Variants in KIAA1328 observed in about 807,000 individuals in gnomAD.
KIAA1328 encodes KIAA1328, also known as protein hinderin.
A neutral mutation model predicts 68.1 loss-of-function variants in KIAA1328; 52 were observed. That is an observed-to-expected ratio of 0.76 (90% CI 0.61 to 0.96). The LOEUF (loss-of-function observed/expected upper bound fraction) is 0.96, where lower values mean the gene tolerates loss of function less well. KIAA1328 is among the 40% of genes least tolerant of loss of function. The pLI, the probability that KIAA1328 is intolerant of heterozygous loss-of-function variation, is 0.00. For missense variants in KIAA1328, 641 were observed against 677.6 expected, an observed-to-expected ratio of 0.95 and a Z score of 0.60; for synonymous variants, 232 against 239.4, an observed-to-expected ratio of 0.97 and a Z score of 0.28.
chr18:36,856,341 A>G (rs2047382545), intron 4 of KIAA1328, among the ~76,000 whole-genome samples: 1 of 152,060 alleles, frequency 6.6e-6, no homozygotes, highest in African/African-American at 2.4e-5. Context: ...GTCATTCCAC[A>G]GGTCCATTAA....
At chr18:37,077,439 C>T (rs1172236864) in intron 7 of KIAA1328, among the ~76,000 whole-genome samples, 2 of 149,502 alleles carry the variant, frequency 1.3e-5, no homozygotes, top group Non-Finnish European at 3.0e-5. Context: ...GGGATGCCCT[C>T]TCTCACCACT....
At chr18:37,118,204 A>C (rs1421319885) in intron 7 of KIAA1328, among the ~76,000 whole-genome samples, 1 of 152,080 alleles carries the variant, frequency 6.6e-6, no homozygotes, top group African/African-American at 2.4e-5. Flanking sequence ...TATGTTGCCT[A>C]GGATGGTCTT....
At chr18:37,118,446 T>C (rs564530496) in intron 7 of KIAA1328, among the ~76,000 whole-genome samples, 32 of 152,192 alleles carry the variant, frequency 2.1e-4, no homozygotes, top group Non-Finnish European at 3.8e-4. Context: ...TGGGTTGTTG[T>C]AGTTTCCCAT....
intron 9 of KIAA1328, among the ~76,000 whole-genome samples, chr18:37,204,004 G>C (rs1010071216): frequency 1.3e-5 from 2 of 152,116 alleles, no homozygotes; most frequent in Non-Finnish European, 2.9e-5. Flanking sequence ...TAGAGATGGG[G>C]TTTCACCATG....
intron 7 of KIAA1328, among the ~76,000 whole-genome samples, chr18:37,120,339 T>G (rs1244557233): frequency 6.6e-6 from 1 of 152,146 alleles, no homozygotes; most frequent in African/African-American, 2.4e-5. Flanking sequence ...AACAGTAATG[T>G]CAGGTGTTTT....
chr18:37,108,988 C>T (rs1488109693), intron 7 of KIAA1328, among the ~76,000 whole-genome samples: 1 of 128,884 alleles, frequency 7.8e-6, no homozygotes, highest in African/African-American at 2.9e-5. Flanking sequence ...TCCATGTGTT[C>T]TCATTGTTCA....
chr18:37,024,880 T>C (rs566079690), intron 6 of KIAA1328, among the ~76,000 whole-genome samples: 2 of 152,246 alleles, frequency 1.3e-5, no homozygotes, highest in South Asian at 4.1e-4. Context: ...TATAATCCTT[T>C]GGGTATATAC....
chr18:36,996,254 C>T (rs1310435214), intron 6 of KIAA1328, among the ~76,000 whole-genome samples: 1 of 152,190 alleles, frequency 6.6e-6, no homozygotes, highest in Non-Finnish European at 1.5e-5. Flanking sequence ...TTCTATACCA[C>T]ATACTGTTTT....
chr18:37,177,056 A>T (rs1338907038), intron 9 of KIAA1328, among the ~76,000 whole-genome samples: 1 of 152,248 alleles, frequency 6.6e-6, no homozygotes, highest in Non-Finnish European at 1.5e-5. Flanking sequence ...TACTTGATGT[A>T]TGCCAATTTA....
At chr18:37,162,997 T>C (rs1199249125) in intron 8 of KIAA1328, among the ~76,000 whole-genome samples, 3 of 152,232 alleles carry the variant, frequency 2.0e-5, no homozygotes, top group East Asian at 1.9e-4. Context: ...TCATCAGTTT[T>C]AGTTACTTTT....
In KIAA1328 at chr18:37,160,601, C is replaced by T. The variant is rs189721153; in HGVS notation, c.1414+220C>T. 2.0e-3 allele frequency among the ~76,000 whole-genome samples: 297 copies of T among 152,294 alleles called. 1 individual carries two copies. The highest frequency in any genetic ancestry group is 3.8e-3 in the Admixed American group (58 of 15,292). On this transcript the variant is annotated intron_variant, in intron 8 of 9. Coordinates refer to ENST00000280020, the MANE Select transcript of KIAA1328 (RefSeq NM_020776.3). ...ATGAAAAACTGTATCCAACTTGTCC[C>T]TCTTTTTGCAAGCAATAACTGTTAA...
At chr18:37,072,121 C>A (rs1017409361) in intron 7 of KIAA1328, among the ~76,000 whole-genome samples, 1 of 151,936 alleles carries the variant, frequency 6.6e-6, no homozygotes, top group Admixed American at 6.6e-5. Flanking sequence ...ATTGTTCTTC[C>A]TTTCTGATGT....
intron 6 of KIAA1328, among the ~76,000 whole-genome samples, chr18:37,000,795 A>G (rs1211074442): frequency 1.3e-5 from 2 of 152,120 alleles, no homozygotes; most frequent in Non-Finnish European, 2.9e-5. Flanking sequence ...AATGACCATC[A>G]TGAAAATGAA....
At chr18:36,935,979 A>G (rs1399458147) in intron 5 of KIAA1328, among the ~76,000 whole-genome samples, 1 of 152,182 alleles carries the variant, frequency 6.6e-6, no homozygotes, top group African/African-American at 2.4e-5. Context: ...ATGGATTTTA[A>G]TTAAATATAG....
In KIAA1328 at chr18:36,857,542, C is replaced by T. The variant is rs187969173; in HGVS notation, c.332+13240C>T. Among the ~76,000 whole-genome samples the T allele has an allele frequency of 1.0e-3, 157 of 152,314 alleles. 2 individuals are homozygous for T. Among genetic ancestry groups the T allele is most frequent in the African/African-American group, 3.7e-3 (154 of 41,578 alleles). On this transcript the variant is annotated intron_variant, in intron 4 of 9. Coordinates refer to ENST00000280020, the MANE Select transcript of KIAA1328 (RefSeq NM_020776.3). The stretch of plus-strand genomic sequence containing the variant: ...CATCATCCTGGCGGCCGCCATTGAT[C>T]TGGGGAATGGGGGATGAATGGTAAG...
At chr18:36,866,131 G>A (rs558325146) in intron 4 of KIAA1328, among the ~76,000 whole-genome samples, 1 of 152,246 alleles carries the variant, frequency 6.6e-6, no homozygotes, top group East Asian at 1.9e-4. Context: ...GCATAGATCC[G>A]CTCCTCCCCA....
At chr18:36,879,084 A>G (rs956953007) in intron 4 of KIAA1328, among the ~76,000 whole-genome samples, 1 of 152,088 alleles carries the variant, frequency 6.6e-6, no homozygotes, top group Non-Finnish European at 1.5e-5. Flanking sequence ...GATCCTTTGG[A>G]GGAGAAGAGG....
chr18:37,158,239 G>A (rs778958953), intron 7 of KIAA1328, among the ~76,000 whole-genome samples: 1 of 152,086 alleles, frequency 6.6e-6, no homozygotes, highest in Admixed American at 6.5e-5. Flanking sequence ...GGGTCTTGCT[G>A]TGATGCCCAG....
Position 36,830,460 on chromosome 18 carries a change from A to G in KIAA1328, c.58+1264A>G, listed in dbSNP as rs190859085. 3.5e-3 allele frequency among the ~76,000 whole-genome samples: 530 copies of G among 152,292 alleles called. 2 individuals carry two copies. Among genetic ancestry groups the G allele is most frequent in the Non-Finnish European group, 5.4e-3 (368 of 68,030 alleles). On this transcript the variant is annotated intron_variant, in intron 1 of 9. Coordinates refer to ENST00000280020, the MANE Select transcript of KIAA1328 (RefSeq NM_020776.3). The stretch of plus-strand genomic sequence containing the variant: ...TGAATTAGGAAGTTAGGAAATTGGG[A>G]TAAGTCTTTTCTCAAGAAACACTGC...
Sources: gnomAD v4.1 joint callset for allele counts (sites outside exome capture counted in the v4.1 genomes callset) on GRCh38, gnomAD v4.1.1 for gene constraint, MANE v1.5 for transcripts, NCBI Gene and HGNC (gene_info 2026-07-23, HGNC 2026-07-21) for gene names.